The following FOXK1 variants were observed in gnomAD, a reference collection of about 807,000 sequenced individuals.
The protein encoded by FOXK1 is forkhead box K1.
In FOXK1, 19 loss-of-function variants were observed where a neutral mutation model predicts 51.9. The observed-to-expected ratio is 0.37, with a 90% CI of 0.26 to 0.54. FOXK1 has a LOEUF of 0.54. Ranked by LOEUF, FOXK1 falls within the 20% of genes least tolerant of loss-of-function variation. The pLI is 0.87. For missense variants in FOXK1, 870 were observed against 1,032.7 expected (o/e 0.84, Z 2.16); for synonymous variants, 537 against 482.6 (o/e 1.11, Z -1.48).
intron 2 of FOXK1, among the ~76,000 whole-genome samples, chr7:4,744,466 C>T (rs1213584735): frequency 6.6e-6 from 1 of 152,226 alleles, no homozygotes; most frequent in Admixed American, 6.5e-5. Flanking sequence ...TCCCGGGTAC[C>T]CACTGTTCAG....
chr7:4,760,996 C>A, intron 7 of FOXK1, 68 bp from the exon 8 acceptor site: 1 of 1,477,374 alleles, frequency 6.8e-7, no homozygotes, highest in Non-Finnish European at 9.4e-7. Context: ...CGACCTGCTG[C>A]CCAGGCGTCG....
chr7:4,695,095 G>A (rs1039126471), intron 1 of FOXK1, among the ~76,000 whole-genome samples: 4 of 152,366 alleles, frequency 2.6e-5, no homozygotes, highest in Admixed American at 1.3e-4. Context: ...CCAGAAGAAG[G>A]AGAACTGCAA....
chr7:4,741,250 C>T (rs928102471), intron 2 of FOXK1, among the ~76,000 whole-genome samples: 2 of 152,116 alleles, frequency 1.3e-5, no homozygotes, highest in African/African-American at 4.8e-5. Context: ...GGAAATTTTA[C>T]ATATTAGAGC....
In FOXK1 at chr7:4,715,373, G is replaced by A. The variant is rs1162074557; in HGVS notation, c.561-25465G>A. Among the ~76,000 whole-genome samples, 1 of 152,108 alleles carries A rather than the reference G, an allele frequency of 6.6e-6. No homozygotes were observed. Among genetic ancestry groups the A allele is most frequent in the African/African-American group, 2.4e-5 (1 of 41,420 alleles). ...AAGTGTTCAGGGCGCTCAGCTGTGG[G>A]TGGCCCGTGTACAGGAATGGGATCG... On this transcript the variant is annotated intron_variant, in intron 1 of 8. Coordinates refer to ENST00000328914, the MANE Select transcript of FOXK1 (RefSeq NM_001037165.2). This position sits in a 1 kb window ranked among gnomAD's most constrained non-coding sequence, Gnocchi z 4.5.
In FOXK1 at chr7:4,735,673, T is replaced by C. The variant is rs2115057825; in HGVS notation, c.561-5165T>C. 6.6e-6 allele frequency among the ~76,000 whole-genome samples: 1 copy of C among 152,332 alleles called. No individual in the cohort carries two copies. The highest frequency in any genetic ancestry group is 1.5e-5 in the Non-Finnish European group (1 of 68,032). ...GGAGATTTCTACTCTGTGGACACAC[T>C]TAACCTTAGCGGAATCTCCGCCGGT... On this transcript the variant is annotated intron_variant, in intron 1 of 8. Transcript: ENST00000328914. This position sits in a 1 kb window ranked among gnomAD's most constrained non-coding sequence, Gnocchi z 4.7.
Position 4,765,930 on chromosome 7 carries a change from G to C in FOXK1, c.*3466G>C. 1 of 152,216 alleles carries C rather than the reference G, an allele frequency of 6.6e-6. No homozygotes were observed. The highest frequency in any genetic ancestry group is 1.5e-5 in the Non-Finnish European group (1 of 68,060). 9.4% of individuals were successfully genotyped at this position (152,216 alleles called of 1,614,324 possible). Reference sequence around the variant, plus strand: ...GCTGCTAGGGCAGCAGCTGGCTCAGGGCACACTCTCTCGTGCCAGCTTCTG... The same window carrying C: ...GCTGCTAGGGCAGCAGCTGGCTCAGCGCACACTCTCTCGTGCCAGCTTCTG... On this transcript the variant is annotated 3_prime_UTR_variant, in exon 9 of 9. Coordinates refer to ENST00000328914, the MANE Select transcript of FOXK1 (RefSeq NM_001037165.2).
Position 4,753,753 on chromosome 7 carries a change from C to T in FOXK1, c.747-706C>T, listed in dbSNP as rs747351489. On this transcript the variant is annotated intron_variant, in intron 2 of 8. Transcript: ENST00000328914. This position sits in a 1 kb window ranked among gnomAD's most constrained non-coding sequence, Gnocchi z 4.9. ...AGCAGGCCAGAGCACACCCCTCAGC[C>T]GGACGGACGCAGCCTCCTGCCTGTG... 4.6e-5 allele frequency among the ~76,000 whole-genome samples: 7 copies of T among 152,178 alleles called. No homozygotes were observed. The highest frequency in any genetic ancestry group is 7.3e-5 in the Non-Finnish European group (5 of 68,030).
At chr7:4,760,822 G>T (rs1474364294) in intron 7 of FOXK1, among the ~76,000 whole-genome samples, 2 of 152,240 alleles carry the variant, frequency 1.3e-5, no homozygotes, top group African/African-American at 2.4e-5. Flanking sequence ...CTGCACTCCA[G>T]CCTGGGCGAC....
At chr7:4,757,244 G>T in intron 5 of FOXK1, 57 bp downstream of exon 5, 1 of 1,475,026 alleles carries the variant, frequency 6.8e-7, no homozygotes, top group Non-Finnish European at 9.2e-7. Context: ...CTGCCCTGGA[G>T]TTTAGAGATA....
chr7:4,721,843 G>A (rs150062504), intron 1 of FOXK1, among the ~76,000 whole-genome samples: 4 of 151,728 alleles, frequency 2.6e-5, no homozygotes, highest in Non-Finnish European at 4.4e-5. Context: ...CTCCTGCCTC[G>A]GCCTCCCAAA....
Position 4,682,617 on chromosome 7 carries a change from G to A in FOXK1, c.309G>A (p.Gly103=), listed in dbSNP as rs1386302568. 10 of 1,514,076 alleles carry A rather than the reference G, an allele frequency of 6.6e-6. No individual in the cohort carries two copies. The East Asian group carries it at 1.9e-4, about 28-fold the overall frequency. The allele number at this position is 1,514,076 out of a possible 1,614,324, so 93.8% of individuals were successfully genotyped here. A position where few individuals can be genotyped will look rare whatever the true frequency, so the allele number is the denominator to read the frequency against. The change falls in exon 1 of 9, where the codon GGG becomes GGA. Residue 103 remains glycine, a synonymous_variant. Coordinates refer to ENST00000328914, the MANE Select transcript of FOXK1 (RefSeq NM_001037165.2). The surrounding 1 kb of genome is among the most constrained non-coding windows in gnomAD (Gnocchi z 7.6). ...CCGCCTCGGTACGGCAGAGCCCGGG[G>A]CCGGCGCTGGCGCGGCTGGAGGGCC... ...AAAASVRQSP[G]PALARLEGRE...
At chr7:4,708,694 C>A (rs565305303) in intron 1 of FOXK1, among the ~76,000 whole-genome samples, 1 of 152,320 alleles carries the variant, frequency 6.6e-6, no homozygotes, top group African/African-American at 2.4e-5. Flanking sequence ...GGCTCCCAGC[C>A]TGGGGTGAAC....
At chr7:4,697,370 A>G (rs1320897428) in intron 1 of FOXK1, among the ~76,000 whole-genome samples, 4 of 152,240 alleles carry the variant, frequency 2.6e-5, no homozygotes, top group Non-Finnish European at 5.9e-5. Flanking sequence ...AGATCAGGGT[A>G]GCCAGCTGCA....
chr7:4,732,010 G>A (rs938270805), intron 1 of FOXK1, among the ~76,000 whole-genome samples: 1 of 152,214 alleles, frequency 6.6e-6, no homozygotes, highest in African/African-American at 2.4e-5. Context: ...TGCCCCCAGG[G>A]CATCTGAGCA....
At chr7:4,710,487 A>G (rs2115040856) in intron 1 of FOXK1, among the ~76,000 whole-genome samples, 1 of 152,374 alleles carries the variant, frequency 6.6e-6, no homozygotes, top group East Asian at 1.9e-4. Context: ...AGGCAGGAGA[A>G]TCGCTTGAAG....
chr7:4,723,360 C>T lies in FOXK1; in HGVS notation c.561-17478C>T, dbSNP rs562611940. ...GCCTGAAAACATTGGCTTAATTTGTCTTCTCAAAGCTGTTTTTGTTTTCTG... is the reference window on the plus strand; with the variant it reads ...GCCTGAAAACATTGGCTTAATTTGTTTTCTCAAAGCTGTTTTTGTTTTCTG... On this transcript the variant is annotated intron_variant, in intron 1 of 8. Coordinates refer to ENST00000328914, the MANE Select transcript of FOXK1 (RefSeq NM_001037165.2). This position sits in a 1 kb window ranked among gnomAD's most constrained non-coding sequence, Gnocchi z 4.7. Among the ~76,000 whole-genome samples the T allele has an allele frequency of 5.3e-5, 8 of 152,070 alleles. No individual in the cohort carries two copies. The South Asian group carries it at 8.3e-4, about 16-fold the overall frequency.
chr7:4,752,765 A>AC (rs1780796195), intron 2 of FOXK1, among the ~76,000 whole-genome samples: 2 of 152,098 alleles, frequency 1.3e-5, no homozygotes, highest in Non-Finnish European at 2.9e-5. Flanking sequence ...TGGGTCTGGG[A>AC]CCGGGTGCAC....
chr7:4,693,360 ATT>A (rs1190863175), intron 1 of FOXK1, among the ~76,000 whole-genome samples: 2 of 152,218 alleles, frequency 1.3e-5, no homozygotes, highest in African/African-American at 4.8e-5. Flanking sequence ...GACACAGCAT[ATT>A]TTAAATAGAC....
rs766964167 is a variant in FOXK1, at chr7:4,729,681, G to A, written c.561-11157G>A. 5.3e-5 allele frequency among the ~76,000 whole-genome samples: 8 copies of A among 152,268 alleles called. No homozygotes were observed. Among genetic ancestry groups the A allele is most frequent in the Middle Eastern group, 3.4e-3 (1 of 294 alleles). ...CCAGGGTCTTCCTGAGACAGAGACCGAGACTTCAGCTTCAAAAAGAAACCC... is the reference window on the plus strand; with the variant it reads ...CCAGGGTCTTCCTGAGACAGAGACCAAGACTTCAGCTTCAAAAAGAAACCC... On this transcript the variant is annotated intron_variant, in intron 1 of 8. Coordinates refer to ENST00000328914, the MANE Select transcript of FOXK1 (RefSeq NM_001037165.2). This position sits in a 1 kb window ranked among gnomAD's most constrained non-coding sequence, Gnocchi z 6.2.
Sources: gnomAD v4.1 joint callset for allele counts (sites outside exome capture counted in the v4.1 genomes callset) on GRCh38, gnomAD v4.1.1 for gene constraint, Gnocchi (gnomAD v3.1) non-coding constraint, MANE v1.5 for transcripts, NCBI Gene and HGNC (gene_info 2026-07-23, HGNC 2026-07-21) for gene names.